MMP26: variants seen among roughly 807,000 people sequenced by gnomAD.
MMP26 encodes the protein matrix metalloproteinase-26.
MMP26 carries 33 observed loss-of-function variants against 31.0 expected under a neutral mutation model. That is an observed-to-expected ratio of 1.06 (90% CI 0.81 to 1.42). MMP26 has a LOEUF of 1.42. MMP26 is among the 40% of genes most tolerant of loss of function. MMP26 has a pLI of 0.00. For missense variants in MMP26, 347 were observed against 316.1 expected (o/e 1.10, Z -0.74); for synonymous variants, 122 against 114.9 (o/e 1.06, Z -0.40).
chr11:4,964,905 TG>T, intron 2 of MMP26, among the ~76,000 whole-genome samples: 1 of 152,232 alleles, frequency 6.6e-6, no homozygotes, highest in Non-Finnish European at 1.5e-5. Context: ...CAACACACAC[TG>T]GGACCTGTTG....
intron 2 of MMP26, chr11:4,908,242 C>A (rs1224143472): frequency 1.2e-6 from 2 of 1,613,962 alleles, no homozygotes; most frequent in Non-Finnish European, 1.7e-6. Context: ...CCATTGTGTA[C>A]TGTGTAAAGA....
chr11:4,836,773 C>T (rs927121376), intron 2 of MMP26, among the ~76,000 whole-genome samples: 1 of 148,924 alleles, frequency 6.7e-6, no homozygotes, highest in Non-Finnish European at 1.5e-5. Flanking sequence ...GATTTTCCTG[C>T]CTCAGCCTCC....
chr11:4,990,630 C>G lies in MMP26; in HGVS notation c.353C>G (p.Ser118Cys), dbSNP rs752588907. 97 of 1,613,426 alleles carry G rather than the reference C, an allele frequency of 6.0e-5. 3 individuals carry two copies. The South Asian group carries it at 9.2e-4, about 15-fold the overall frequency. Residue 118 changes from serine (S) to cysteine (C), a missense_variant, in exon 5 of 8, where the codon TCC becomes TGC. Ser to Cys is a moderately radical substitution (Grantham distance 112). Coordinates refer to ENST00000380390, the MANE Select transcript of MMP26 (RefSeq NM_021801.5). ...IINYPHDMKP[S>C]AVKDSIYNAV... is the part of the protein sequence containing the mutation. The stretch of plus-strand genomic sequence containing the variant: ...AATTACCCACATGATATGAAGCCAT[C>G]CGCAGTGAAAGACAGTATATATAAT...
chr11:4,770,350 T>A (rs909557699), intron 2 of MMP26, among the ~76,000 whole-genome samples: 2 of 152,240 alleles, frequency 1.3e-5, no homozygotes, highest in African/African-American at 4.8e-5. Flanking sequence ...CATAAGGGTA[T>A]GAGTCTGCAG....
At chr11:4,980,770 T>A (rs1846801602) in intron 2 of MMP26, among the ~76,000 whole-genome samples, 1 of 148,278 alleles carries the variant, frequency 6.7e-6, no homozygotes, top group Non-Finnish European at 1.5e-5. Flanking sequence ...AAAATATAGT[T>A]CATTGAAGGA....
At chr11:4,958,303 C>G (rs901083395) in intron 2 of MMP26, among the ~76,000 whole-genome samples, 1 of 152,194 alleles carries the variant, frequency 6.6e-6, no homozygotes, top group Admixed American at 6.5e-5. Flanking sequence ...CTTGCTAGCG[C>G]GAACAATAAA....
chr11:4,723,713 G>T, intron 1 of MMP26: 1 of 1,044,384 alleles, frequency 9.6e-7, no homozygotes, highest in Non-Finnish European at 1.5e-6. Context: ...TCCTGGCCCA[G>T]AGTGTCCAGT....
At chr11:4,990,283 T>C (rs1018528546) in intron 4 of MMP26, among the ~76,000 whole-genome samples, 1 of 152,176 alleles carries the variant, frequency 6.6e-6, no homozygotes, top group Non-Finnish European at 1.5e-5. Context: ...GCTGTATATT[T>C]AATTTAATTT....
chr11:4,883,006 A>C, intron 2 of MMP26: 1 of 706,510 alleles, frequency 1.4e-6, no homozygotes, highest in South Asian at 2.0e-5. Context: ...GGAAGAAGAC[A>C]GTAATTTTCC....
intron 1 of MMP26, among the ~76,000 whole-genome samples, chr11:4,748,590 AAC>A (rs1355310248): frequency 1.3e-5 from 2 of 151,656 alleles, no homozygotes; most frequent in African/African-American, 2.4e-5. Context: ...AAAAAAAAAA[AAC>A]ACAACAATGA....
At position 4,947,644 on chromosome 11, in the gene MMP26, T is replaced by G. The variant is rs1203896818; in HGVS notation, c.-144-40424T>G. 1.6e-5 allele frequency: 2 copies of G among 127,166 alleles called. 1 individual carries two copies. Among genetic ancestry groups the G allele is most frequent in the East Asian group, 4.5e-4 (2 of 4,472 alleles). 7.9% of individuals were successfully genotyped at this position (127,166 alleles called of 1,614,324 possible). ...GAACTTGTCCACCACAAAAGACTCCTCTTATATATAAGGGCTTGTCTTATT... is the reference window on the plus strand; with the variant it reads ...GAACTTGTCCACCACAAAAGACTCCGCTTATATATAAGGGCTTGTCTTATT... On this transcript the variant is annotated intron_variant, in intron 2 of 7. Transcript: ENST00000380390.
At chr11:4,935,344 A>C (rs1851422222) in intron 2 of MMP26, among the ~76,000 whole-genome samples, 1 of 151,958 alleles carries the variant, frequency 6.6e-6, no homozygotes, top group African/African-American at 2.4e-5. Flanking sequence ...AGCAATTGCG[A>C]ATGGGAGTTC....
chr11:4,970,933 G>A (rs1459738543), intron 2 of MMP26, among the ~76,000 whole-genome samples: 1 of 152,148 alleles, frequency 6.6e-6, no homozygotes, highest in East Asian at 1.9e-4. Context: ...ATGCGGCCTG[G>A]GGTGAAGGGA....
chr11:4,919,129 C>G (rs1463919300), intron 2 of MMP26: 1 of 152,222 alleles, frequency 6.6e-6, no homozygotes, highest in Admixed American at 6.5e-5. Context: ...GTGCTAAGAT[C>G]AGACCTGGGA....
intron 2 of MMP26, among the ~76,000 whole-genome samples, chr11:4,823,339 C>G (rs964369112): frequency 6.6e-6 from 1 of 152,124 alleles, no homozygotes; most frequent in Admixed American, 6.6e-5. Flanking sequence ...ATTATCCAAG[C>G]CTTTTAGCAA....
intron 2 of MMP26, among the ~76,000 whole-genome samples, chr11:4,837,907 CA>C (rs1849740242): frequency 1.3e-5 from 2 of 151,632 alleles, no homozygotes; most frequent in African/African-American, 2.4e-5. Flanking sequence ...ATTAATTTTA[CA>C]TAAAGTAAAA....
intron 2 of MMP26, among the ~76,000 whole-genome samples, chr11:4,867,580 G>T (rs1274778905): frequency 5.3e-5 from 8 of 151,738 alleles, no homozygotes; most frequent in Admixed American, 1.3e-4. Context: ...TAGTAGAGAT[G>T]GGGTTTCACC....
chr11:4,878,757 TTCAG>T (rs1484336010), intron 2 of MMP26, among the ~76,000 whole-genome samples: 3 of 152,158 alleles, frequency 2.0e-5, no homozygotes, highest in African/African-American at 7.2e-5. Context: ...ATCTGAAATT[TTCAG>T]TCACTCATCT....
rs1395573092 is a variant in MMP26 at position 4,947,178 on chromosome 11, A to G, written c.-144-40890A>G. ...ATAGGAATATCTGTAAATTTAGTAG[A>G]AAAAAAGCAGTGTTAAAATTTGTGG... On this transcript the variant is annotated intron_variant, in intron 2 of 7. Coordinates refer to ENST00000380390, the MANE Select transcript of MMP26 (RefSeq NM_021801.5). The G allele has an allele frequency of 4.6e-5, 46 of 1,007,788 alleles. 4 individuals carry two copies. The African/African-American group carries it at 7.2e-4, about 16-fold the overall frequency. The allele number at this position is 1,007,788 out of a possible 1,614,324, so 62.4% of individuals were successfully genotyped here. A position where few individuals can be genotyped will look rare whatever the true frequency, so the allele number is the denominator to read the frequency against.
Sources: gnomAD v4.1 joint callset for allele counts (sites outside exome capture counted in the v4.1 genomes callset) on GRCh38, gnomAD v4.1.1 for gene constraint, MANE v1.5 for transcripts, NCBI Gene and HGNC (gene_info 2026-07-23, HGNC 2026-07-21) for gene names.